Variants in RBFOX3 observed in about 807,000 individuals in gnomAD.
RBFOX3 encodes RNA binding fox-1 homolog 3.
Under a neutral mutation model 48.7 loss-of-function variants are expected in RBFOX3, and 17 were observed. The ratio of observed to expected loss-of-function variants is 0.35; its 90% CI spans 0.24 to 0.52. The LOEUF is 0.52. RBFOX3 is among the 20% of genes least tolerant of loss of function. The pLI, the probability that RBFOX3 is intolerant of heterozygous loss-of-function variation, is 0.94. For missense variants in RBFOX3, 382 were observed against 497.5 expected (o/e 0.77, Z 2.21); for synonymous variants, 212 against 209.5 (o/e 1.01, Z -0.10).
At chr17:79,437,606 G>T (rs2069807073) in intron 2 of RBFOX3, among the ~76,000 whole-genome samples, 1 of 152,196 alleles carries the variant, frequency 6.6e-6, no homozygotes, top group South Asian at 2.1e-4. Context: ...TCCATGTGGG[G>T]ATGGGAGGCA....
intron 4 of RBFOX3, among the ~76,000 whole-genome samples, chr17:79,184,759 G>A (rs2053054246): frequency 6.6e-6 from 1 of 152,266 alleles, no homozygotes; most frequent in Non-Finnish European, 1.5e-5. Flanking sequence ...TGCAGACAGT[G>A]AGCCCTGAGC....
At chr17:79,413,726 C>T (rs937655452) in intron 2 of RBFOX3, among the ~76,000 whole-genome samples, 1 of 152,290 alleles carries the variant, frequency 6.6e-6, no homozygotes, top group Middle Eastern at 3.4e-3. Context: ...AGCAGCAGGC[C>T]GCGAGCCCAC....
chr17:79,333,151 C>A (rs1450205776), intron 2 of RBFOX3, among the ~76,000 whole-genome samples: 1 of 152,062 alleles, frequency 6.6e-6, no homozygotes, highest in Non-Finnish European at 1.5e-5. Context: ...CCAGGGGAGA[C>A]CCTGCCAGCC....
chr17:79,608,807 C>T (rs1206877026), intron 1 of RBFOX3, among the ~76,000 whole-genome samples: 1 of 152,072 alleles, frequency 6.6e-6, no homozygotes, highest in Non-Finnish European at 1.5e-5. Context: ...GGAAGGCCTC[C>T]AGTCCTGGGG....
chr17:79,355,094 T>A (rs1207080953), intron 2 of RBFOX3, among the ~76,000 whole-genome samples: 1 of 152,218 alleles, frequency 6.6e-6, no homozygotes, highest in Non-Finnish European at 1.5e-5. Context: ...CGGATTCCAC[T>A]TTCTCACCTA....
At position 79,115,760 on chromosome 17, in the gene RBFOX3, GA is replaced by G; in HGVS notation, c.-33-13del. On this transcript the variant is annotated splice_polypyrimidine_tract_variant and intron_variant, in intron 4 of 14. Coordinates refer to ENST00000693108, the MANE Select transcript of RBFOX3 (RefSeq NM_001350451.2). ...GCGTCCTGATCGCTCTGTGGAAGGA[GA>G]GAGAGCAAGGCCTGGTTAGAATCTT... 1 of 677,976 alleles carries G rather than the reference GA, an allele frequency of 1.5e-6. No homozygotes were observed. 42.0% of individuals were successfully genotyped at this position (677,976 alleles called of 1,614,324 possible).
chr17:79,604,890 T>C (rs999357632), intron 1 of RBFOX3, among the ~76,000 whole-genome samples: 1 of 152,198 alleles, frequency 6.6e-6, no homozygotes, highest in African/African-American at 2.4e-5. Context: ...TCCGGAGACA[T>C]GAGCCTGGCC....
chr17:79,549,312 G>A (rs1169751791), intron 1 of RBFOX3, among the ~76,000 whole-genome samples: 2 of 152,222 alleles, frequency 1.3e-5, no homozygotes, highest in Non-Finnish European at 2.9e-5. Context: ...CCGCCCCCTG[G>A]CTGGTCCCAG....
At chr17:79,627,644 T>G in the RBFOX3 span, among the ~76,000 whole-genome samples, 1 of 152,190 alleles carries the variant, frequency 6.6e-6, no homozygotes, top group Non-Finnish European at 1.5e-5. Context: ...GCAAAACCTC[T>G]TCCTGCTTCT....
At chr17:79,502,238 T>C (rs1360931083) in intron 1 of RBFOX3, among the ~76,000 whole-genome samples, 1 of 152,180 alleles carries the variant, frequency 6.6e-6, no homozygotes, top group Non-Finnish European at 1.5e-5. Flanking sequence ...CTTGAAAACA[T>C]TAGGCTAAAT....
intron 2 of RBFOX3, among the ~76,000 whole-genome samples, chr17:79,450,373 A>G (rs2073249904): frequency 6.6e-6 from 1 of 152,178 alleles, no homozygotes; most frequent in African/African-American, 2.4e-5. Context: ...AAAACACCGG[A>G]GCCTATAGGA....
intron 2 of RBFOX3, among the ~76,000 whole-genome samples, chr17:79,465,806 G>A (rs367858097): frequency 6.6e-6 from 1 of 152,246 alleles, no homozygotes; most frequent in African/African-American, 2.4e-5. Context: ...CCAGCAGGGA[G>A]TAGGCACGGG....
chr17:79,308,161 G>T (rs1192992472), intron 2 of RBFOX3, among the ~76,000 whole-genome samples: 3 of 152,156 alleles, frequency 2.0e-5, no homozygotes, highest in African/African-American at 7.2e-5. Context: ...ACTGACGGGG[G>T]AATGGCCGAG....
chr17:79,592,904 C>A (rs1200851611), intron 1 of RBFOX3, among the ~76,000 whole-genome samples: 2 of 152,202 alleles, frequency 1.3e-5, no homozygotes, highest in East Asian at 1.9e-4. Flanking sequence ...CCAGAAGGAA[C>A]CTGGCACACC....
chr17:79,383,455 C>T (rs1446707137), intron 2 of RBFOX3, among the ~76,000 whole-genome samples: 1 of 152,256 alleles, frequency 6.6e-6, no homozygotes, highest in Admixed American at 6.5e-5. Flanking sequence ...GATTTAGTCA[C>T]TTTTTCTCCC....
the RBFOX3 span, among the ~76,000 whole-genome samples, chr17:79,620,165 G>A: frequency 1.7e-3 from 246 of 144,856 alleles, 2 homozygotes; most frequent in African/African-American, 6.0e-3. Context: ...GCGCGGACAT[G>A]CACACACATG....
intron 3 of RBFOX3, among the ~76,000 whole-genome samples, chr17:79,259,624 G>A (rs2065415409): frequency 6.6e-6 from 1 of 152,212 alleles, no homozygotes; most frequent in African/African-American, 2.4e-5. Context: ...CTCAGCTGAT[G>A]CAGAGGCAGC....
intron 1 of RBFOX3, among the ~76,000 whole-genome samples, chr17:79,501,082 A>C (rs2082320334): frequency 1.3e-5 from 2 of 152,214 alleles, no homozygotes; most frequent in Admixed American, 6.5e-5. Context: ...ACGTGGCGTA[A>C]ATCACTTCCT....
At chr17:79,459,684 C>T (rs2075113183) in intron 2 of RBFOX3, among the ~76,000 whole-genome samples, 1 of 152,144 alleles carries the variant, frequency 6.6e-6, no homozygotes, top group Admixed American at 6.5e-5. Context: ...AATAAGGTCC[C>T]TTGACACAAT....
Sources: allele counts gnomAD v4.1 joint callset (sites outside exome capture counted in the v4.1 genomes callset), GRCh38; gene constraint gnomAD v4.1.1; transcripts MANE v1.5; gene names NCBI Gene and HGNC (gene_info 2026-07-23, HGNC 2026-07-21).